MCM9: variants seen among roughly 807,000 people sequenced by gnomAD.
MCM9 encodes the protein DNA helicase MCM9.
A neutral mutation model predicts 72.8 loss-of-function variants in MCM9; 55 were observed. That is an observed-to-expected ratio of 0.76 (90% CI 0.61 to 0.95). MCM9 has a LOEUF of 0.95. Among genes scored for constraint, MCM9 ranks in the 40% least tolerant of loss-of-function variants. MCM9 has a pLI of 0.00. For missense variants in MCM9, 1,279 were observed against 1,377.0 expected (o/e 0.93, Z 1.13); for synonymous variants, 480 against 503.4 (o/e 0.95, Z 0.62).
intron 9 of MCM9, among the ~76,000 whole-genome samples, chr6:118,853,330 T>G (rs1418499059): frequency 6.6e-6 from 1 of 152,230 alleles, no homozygotes; most frequent in East Asian, 1.9e-4. Flanking sequence ...TAGCAAATCT[T>G]AAAACAACGT....
chr6:118,929,863 T>G (rs1014518321), intron 3 of MCM9, among the ~76,000 whole-genome samples: 1 of 152,174 alleles, frequency 6.6e-6, no homozygotes, highest in African/African-American at 2.4e-5. Context: ...ATCAAGAGAT[T>G]ATCTAGTACC....
Position 118,829,185 on chromosome 6 carries a change from T to C in MCM9, c.1391A>G (p.Asp464Gly). 2 of 1,550,106 alleles carry C rather than the reference T, an allele frequency of 1.3e-6. No homozygotes were observed. Among genetic ancestry groups the C allele is most frequent in the Non-Finnish European group, 1.7e-6 (2 of 1,146,904 alleles). The change falls in exon 10 of 14, where the codon GAC becomes GGC. Residue 464 changes from aspartate to glycine, a missense_variant. By Grantham distance (94) the Asp-to-Gly change is moderately conservative. Transcript: ENST00000619706. Reference protein sequence around the residue: ...LAATNPKGQYDPQESVSVNIA... With the variant: ...LAATNPKGQYGPQESVSVNIA... ...GTTCACAGACACGGACTCCTGGGGGTCGTACTGGCCTTTGGGGTTCGTTGC... is the reference window on the plus strand; with the variant it reads ...GTTCACAGACACGGACTCCTGGGGGCCGTACTGGCCTTTGGGGTTCGTTGC...
At chr6:118,880,314 C>G (rs1010878709) in intron 8 of MCM9, among the ~76,000 whole-genome samples, 1 of 152,026 alleles carries the variant, frequency 6.6e-6, no homozygotes, top group Admixed American at 6.6e-5. Context: ...GTTGGAAACT[C>G]GAGGTGTTTG....
chr6:118,907,711 G>A (rs1467003217), intron 8 of MCM9: 2 of 933,710 alleles, frequency 2.1e-6, no homozygotes, highest in African/African-American at 1.6e-5. Context: ...ACAATGTGAA[G>A]AATTTGTTTA....
chr6:118,863,509 T>G (rs529858987), intron 8 of MCM9, among the ~76,000 whole-genome samples: 2 of 151,998 alleles, frequency 1.3e-5, no homozygotes, highest in Non-Finnish European at 2.9e-5. Context: ...CAAATAAAAA[T>G]AGTAACAAAT....
intron 8 of MCM9, among the ~76,000 whole-genome samples, chr6:118,874,938 A>G (rs1777842615): frequency 6.6e-6 from 1 of 152,152 alleles, no homozygotes; most frequent in African/African-American, 2.4e-5. Context: ...ACATAGTGAA[A>G]CCCCGTTTCT....
chr6:118,891,062 G>A (rs1778912200), intron 8 of MCM9, among the ~76,000 whole-genome samples: 1 of 152,058 alleles, frequency 6.6e-6, no homozygotes, highest in South Asian at 2.1e-4. Flanking sequence ...ATTTGAATTC[G>A]CTCTTTCATC....
intron 9 of MCM9, among the ~76,000 whole-genome samples, chr6:118,837,677 G>T (rs1442615706): frequency 2.0e-5 from 3 of 152,070 alleles, no homozygotes; most frequent in Non-Finnish European, 4.4e-5. Flanking sequence ...GACTAGGATT[G>T]TAACCCCTGC....
At chr6:118,873,323 G>A (rs148430965) in intron 8 of MCM9, among the ~76,000 whole-genome samples, 110,816 of 151,848 alleles carry the variant, frequency 0.73, 41,464 homozygotes, top group South Asian at 0.83. Flanking sequence ...TACACAGAAA[G>A]CAATGACAAT....
At chr6:118,826,914 TG>T in intron 11 of MCM9, 50 bp from the exon 12 acceptor site, 2 of 1,419,504 alleles carry the variant, frequency 1.4e-6, no homozygotes, top group Non-Finnish European at 1.9e-6. Context: ...AGGTGAGAAA[TG>T]TAATTCTCTA....
At chr6:118,870,525 A>G (rs1399648215) in intron 8 of MCM9, among the ~76,000 whole-genome samples, 3 of 152,154 alleles carry the variant, frequency 2.0e-5, no homozygotes, top group Admixed American at 6.5e-5. Flanking sequence ...ATACATGTCT[A>G]CATCAAAAAA....
intron 7 of MCM9, 75 bp from the exon 8 acceptor site, chr6:118,911,844 T>A (rs1357721079): frequency 8.9e-7 from 1 of 1,118,696 alleles, no homozygotes; most frequent in Non-Finnish European, 1.3e-6. Context: ...AAATATTACA[T>A]AGTGTTTTTA....
intron 9 of MCM9, among the ~76,000 whole-genome samples, chr6:118,850,514 G>C (rs1045905370): frequency 1.3e-5 from 2 of 151,810 alleles, no homozygotes; most frequent in African/African-American, 4.9e-5. Flanking sequence ...TATTAAAAAA[G>C]TAGTAACAGT....
chr6:118,830,689 A>G (rs553738306), intron 9 of MCM9, among the ~76,000 whole-genome samples: 6 of 152,360 alleles, frequency 3.9e-5, no homozygotes, highest in Admixed American at 3.3e-4. Flanking sequence ...AACAAAATAC[A>G]ATTGCATATG....
intron 8 of MCM9, among the ~76,000 whole-genome samples, chr6:118,896,849 TA>T (rs1382000025): frequency 1.4e-5 from 2 of 138,974 alleles, no homozygotes; most frequent in East Asian, 2.1e-4. Context: ...TTTTTTTTTT[TA>T]AATGAGACAG....
At chr6:118,861,919 A>C (rs181118114) in intron 8 of MCM9, among the ~76,000 whole-genome samples, 9 of 152,208 alleles carry the variant, frequency 5.9e-5, no homozygotes, top group Non-Finnish European at 1.2e-4. Flanking sequence ...CATGCCATCC[A>C]TGTTGCCCAG....
chr6:118,861,117 G>A (rs1254516419), intron 8 of MCM9, among the ~76,000 whole-genome samples: 1 of 152,222 alleles, frequency 6.6e-6, no homozygotes, highest in Non-Finnish European at 1.5e-5. Context: ...AGCCAGGCAT[G>A]CCAGCTGTGG....
intron 8 of MCM9, among the ~76,000 whole-genome samples, chr6:118,877,255 A>G (rs898488066): frequency 1.3e-5 from 2 of 152,196 alleles, no homozygotes; most frequent in Non-Finnish European, 2.9e-5. Context: ...CATGGAACAG[A>G]AAAAACCTGC....
Position 118,826,805 on chromosome 6 carries a change from A to G in MCM9, c.1792T>C (p.Ser598Pro). 1 of 1,550,400 alleles carries G rather than the reference A, an allele frequency of 6.4e-7. No individual in the cohort carries two copies. Among genetic ancestry groups the G allele is most frequent in the Non-Finnish European group, 8.7e-7 (1 of 1,146,886 alleles). ...VTLEDAITVV[S>P]VMESSMQGGA... ...ACCTGCATTGAGGACTCCATGACTG[A>G]CACCACCGTAATAGCGTCTTCCAGA... Residue 598 changes from serine to proline, a missense_variant, in exon 12 of 14, where the codon TCA (serine) becomes CCA (proline). Ser to Pro is a moderately conservative substitution (Grantham distance 74). Transcript: ENST00000619706.
Sources: gnomAD v4.1 joint callset for allele counts (sites outside exome capture counted in the v4.1 genomes callset) on GRCh38, gnomAD v4.1.1 for gene constraint, MANE v1.5 for transcripts, NCBI Gene and HGNC (gene_info 2026-07-23, HGNC 2026-07-21) for gene names.